The following OGDHL variants were observed in gnomAD, a reference collection of about 807,000 sequenced individuals.
OGDHL encodes 2-oxoglutarate dehydrogenase-like, mitochondrial.
Under a neutral mutation model 109.6 loss-of-function variants are expected in OGDHL, and 79 were observed. The ratio of observed to expected loss-of-function variants is 0.72; its 90% CI spans 0.60 to 0.87. The LOEUF is 0.87. OGDHL is among the 40% of genes least tolerant of loss of function. The probability of loss-of-function intolerance (pLI) is 0.00; values close to 1 mark genes in which losing one functional copy is unlikely to be tolerated. For missense variants in OGDHL, 1,275 were observed against 1,362.2 expected (o/e 0.94, Z 1.01); for synonymous variants, 528 against 537.2 (o/e 0.98, Z 0.24).
In OGDHL at chr10:49,735,080, G is replaced by C; in HGVS notation, c.*148C>G. 1.0e-6 allele frequency: 1 copy of C among 970,544 alleles called. No individual in the cohort carries two copies. The highest frequency in any genetic ancestry group is 1.5e-6 in the Non-Finnish European group (1 of 656,832). 60.1% of individuals were successfully genotyped at this position (970,544 alleles called of 1,614,324 possible). Reference sequence around the variant, plus strand: ...TTCTGGCATGACACCAAGGCCAGCAGTGCTGGCTCTTGGCCCTGTCACTGT... The same window carrying C: ...TTCTGGCATGACACCAAGGCCAGCACTGCTGGCTCTTGGCCCTGTCACTGT... On this transcript the variant is annotated 3_prime_UTR_variant, in exon 23 of 23. Coordinates refer to ENST00000374103, the MANE Select transcript of OGDHL (RefSeq NM_018245.3).
rs200459812 is a variant in OGDHL at position 49,738,199 on chromosome 10, C to T, written c.2383G>A (p.Ala795Thr). 1.8e-4 allele frequency: 289 copies of T among 1,614,070 alleles called. 3 individuals are homozygous for T. In the East Asian group the frequency reaches 6.4e-3, roughly 36 times the overall value. ...ACAGCAGCAACACTCACAGGGTAGG[C>T]ATCCGAGTCATCATTGCTCATCTGC... ...FLQMSNDDSDAYPAFTKDFEV... is the reference protein window; with the variant it reads ...FLQMSNDDSDTYPAFTKDFEV... Residue 795 changes from alanine to threonine, a missense_variant, in exon 18 of 23, where the codon GCC becomes ACC. By Grantham distance (58) the Ala-to-Thr change is moderately conservative. Coordinates refer to ENST00000374103, the MANE Select transcript of OGDHL (RefSeq NM_018245.3).
At chr10:49,748,008 G>C (rs949589226) in intron 8 of OGDHL, among the ~76,000 whole-genome samples, 1 of 152,020 alleles carries the variant, frequency 6.6e-6, no homozygotes, top group African/African-American at 2.4e-5. Context: ...GAAAGGATTC[G>C]AGAGCGTGTA....
Position 49,756,786 on chromosome 10 carries a change from C to A in OGDHL, c.365G>T (p.Arg122Leu), listed in dbSNP as rs997500943. The part of the protein sequence containing the change: ...EDHLAVQSLI[R>L]AYQIRGHHVA... ...TCAGCTGCCCCTCACCTGGTAGGCCCGGATCAGGGACTGCACAGCCAGGTG... is the reference window on the plus strand; with the variant it reads ...TCAGCTGCCCCTCACCTGGTAGGCCAGGATCAGGGACTGCACAGCCAGGTG... Residue 122 changes from arginine to leucine, a missense_variant, in exon 3 of 23, where the codon CGG (arginine) becomes CTG (leucine). Transcript: ENST00000374103. 6.2e-7 allele frequency: 1 copy of A among 1,612,708 alleles called. No individual in the cohort carries two copies. Among genetic ancestry groups the A allele is most frequent in the Non-Finnish European group, 8.5e-7 (1 of 1,179,338 alleles).
intron 1 of OGDHL, among the ~76,000 whole-genome samples, chr10:49,760,342 T>C (rs1843196519): frequency 1.3e-5 from 2 of 152,188 alleles, no homozygotes; most frequent in South Asian, 2.1e-4. Context: ...CCGGCTCCTC[T>C]GGGAGCAGCA....
chr10:49,747,916 T>A (rs1273644942), intron 8 of OGDHL, among the ~76,000 whole-genome samples: 3 of 152,160 alleles, frequency 2.0e-5, no homozygotes, highest in Non-Finnish European at 4.4e-5. Flanking sequence ...CAAAAGCATG[T>A]GAAAAGATAA....
chr10:49,735,486 T>C, intron 22 of OGDHL, 135 bp from the exon 23 acceptor site: 1 of 982,290 alleles, frequency 1.0e-6, no homozygotes, highest in Non-Finnish European at 1.5e-6. Flanking sequence ...CTTTTGGCCC[T>C]GGCACCACTT....
At chr10:49,738,099 G>T (rs992511027) in intron 18 of OGDHL, 27 bp from the exon 19 acceptor site, 27 of 1,614,050 alleles carry the variant, frequency 1.7e-5, no homozygotes, top group Non-Finnish European at 2.3e-5. Flanking sequence ...CATATGGCCA[G>T]GGTGGCTGTC....
chr10:49,747,391 A>G (rs911252701), intron 8 of OGDHL, among the ~76,000 whole-genome samples, 183 bp from the exon 9 acceptor site: 1 of 152,140 alleles, frequency 6.6e-6, no homozygotes, highest in Non-Finnish European at 1.5e-5. Flanking sequence ...GGCCTGAGGG[A>G]GGAAGGCAGG....
chr10:49,747,211 GA>G lies in OGDHL; in HGVS notation c.988-4del. The G allele has an allele frequency of 6.2e-7, 1 of 1,613,690 alleles. No homozygotes were observed. The highest frequency in any genetic ancestry group is 1.7e-5 in the Admixed American group (1 of 59,988). On this transcript the variant is annotated splice_polypyrimidine_tract_variant and splice_region_variant and intron_variant, in intron 8 of 22. Coordinates refer to ENST00000374103, the MANE Select transcript of OGDHL (RefSeq NM_018245.3). ...TGGTACTTGACATCCCCGGAGCCCT[GA>G]AGGTGGAGATGGGAACATGATGGAT...
rs370157348 is a variant in OGDHL at position 49,740,826 on chromosome 10, T to C, written c.2024A>G (p.His675Arg). The change falls in exon 16 of 23, where the codon CAT becomes CGT. Residue 675 changes from histidine to arginine, a missense_variant. Transcript: ENST00000374103. ...VERGTFSHRHHVLHDQEVDRR... is the reference protein window; with the variant it reads ...VERGTFSHRHRVLHDQEVDRR... Reference sequence around the variant, plus strand: ...GTCAACCTCCTGGTCATGGAGAACATGGTGCCGGTGACTGCAGAGACACAG... The same window carrying C: ...GTCAACCTCCTGGTCATGGAGAACACGGTGCCGGTGACTGCAGAGACACAG... 5 of 1,613,628 alleles carry C rather than the reference T, an allele frequency of 3.1e-6. No homozygotes were observed. Among genetic ancestry groups the C allele is most frequent in the Non-Finnish European group, 4.2e-6 (5 of 1,179,792 alleles).
chr10:49,747,983 T>C (rs1842312621), intron 8 of OGDHL, among the ~76,000 whole-genome samples: 1 of 152,264 alleles, frequency 6.6e-6, no homozygotes, highest in Admixed American at 6.5e-5. Flanking sequence ...TTGAACCTAT[T>C]ATATCGGCAA....
intron 2 of OGDHL, among the ~76,000 whole-genome samples, chr10:49,757,584 G>A (rs537279663): frequency 2.9e-4 from 44 of 152,272 alleles, no homozygotes; most frequent in Non-Finnish European, 2.4e-4. Context: ...AGCACTGTTC[G>A]CCACAGTCAG....
chr10:49,737,661 G>C, intron 20 of OGDHL, 125 bp downstream of exon 20: 1 of 1,018,646 alleles, frequency 9.8e-7, no homozygotes. Context: ...GACCATGCCA[G>C]GAGCTGCTGC....
intron 2 of OGDHL, 32 bp from the exon 3 acceptor site, chr10:49,756,978 G>A: frequency 6.3e-7 from 1 of 1,597,368 alleles, no homozygotes; most frequent in African/African-American, 1.3e-5. Context: ...ACGCAGCCAG[G>A]TCAGGGCCTG....
At chr10:49,751,381 C>G (rs528250754) in intron 6 of OGDHL, among the ~76,000 whole-genome samples, 1 of 152,314 alleles carries the variant, frequency 6.6e-6, no homozygotes, top group African/African-American at 2.4e-5. Context: ...CAAACTCCAG[C>G]CCACACCTCG....
chr10:49,736,263 G>A lies in OGDHL; in HGVS notation c.2755-86C>T, dbSNP rs368336371. 1.0e-4 allele frequency: 164 copies of A among 1,580,454 alleles called. 1 individual carries two copies. The highest frequency in any genetic ancestry group is 5.2e-4 in the African/African-American group (39 of 74,534). Reference sequence around the variant, plus strand: ...CGGACAGGAGGCACAGGGCCTCACCGGCCTTCATCTGGCCTGCCTGGCACA... The same window carrying A: ...CGGACAGGAGGCACAGGGCCTCACCAGCCTTCATCTGGCCTGCCTGGCACA... On this transcript the variant is annotated intron_variant, in intron 21 of 22. Coordinates refer to ENST00000374103, the MANE Select transcript of OGDHL (RefSeq NM_018245.3).
chr10:49,736,357 C>T lies in OGDHL; in HGVS notation c.2754G>A (p.Gln918=), dbSNP rs1290439546. 9 of 1,614,132 alleles carry T rather than the reference C, an allele frequency of 5.6e-6. 1 individual carries two copies. The South Asian group carries it at 8.8e-5, about 16-fold the overall frequency. ...GACTGTACAAGGGGTTCAGGCACAC[C>T]TGCTCCAGGCGCGTGATGGCCACTT... ...EEKVAITRLE[Q]ISPFPFDLIK... is the part of the protein sequence containing the mutation. Residue 918 remains glutamine, a splice_region_variant and synonymous_variant, in exon 21 of 23, where the codon CAG becomes CAA. Transcript: ENST00000374103.
intron 1 of OGDHL, among the ~76,000 whole-genome samples, chr10:49,761,110 A>C (rs987237581): frequency 5.3e-5 from 8 of 151,756 alleles, no homozygotes; most frequent in Admixed American, 1.3e-4. Context: ...GCCAGAGCCC[A>C]AGCCAGCCCT....
intron 17 of OGDHL, chr10:49,738,522 G>T: frequency 3.8e-6 from 2 of 527,132 alleles, no homozygotes; most frequent in South Asian, 2.1e-5. Flanking sequence ...GCACTGAGAC[G>T]TGCTTTCTCT....
Sources: gnomAD v4.1 joint callset for allele counts (sites outside exome capture counted in the v4.1 genomes callset) on GRCh38, gnomAD v4.1.1 for gene constraint, MANE v1.5 for transcripts, NCBI Gene and HGNC (gene_info 2026-07-23, HGNC 2026-07-21) for gene names.